The following ALPK3 variants were observed in gnomAD, a reference collection of about 807,000 sequenced individuals.
ALPK3 encodes the protein alpha-protein kinase 3.
ALPK3 carries 102 observed loss-of-function variants against 140.0 expected under a neutral mutation model. The observed-to-expected ratio is 0.73, with a 90% CI of 0.62 to 0.86. The LOEUF (loss-of-function observed/expected upper bound fraction) is 0.86, where lower values mean the gene tolerates loss of function less well. ALPK3 is among the 40% of genes least tolerant of loss of function. ALPK3 has a pLI of 0.00. For synonymous variants in ALPK3, 938 were observed against 898.5 expected, an observed-to-expected ratio of 1.04 and a Z score of -0.79; for missense variants, 2,254 against 2,208.2, an observed-to-expected ratio of 1.02 and a Z score of -0.42.
intron 11 of ALPK3, 88 bp downstream of exon 11, chr15:84,863,728 C>A: frequency 7.6e-7 from 1 of 1,315,922 alleles, no homozygotes. Flanking sequence ...CTCCCAGGGG[C>A]ATCCTGCGTT....
At chr15:84,834,956 G>A (rs781272972) in intron 3 of ALPK3, among the ~76,000 whole-genome samples, 6 of 152,376 alleles carry the variant, frequency 3.9e-5, no homozygotes, top group Non-Finnish European at 7.3e-5. Flanking sequence ...TTGTGGCTAT[G>A]AAGCCCTAAG....
chr15:84,840,853 C>T lies in ALPK3; in HGVS notation c.1574C>T (p.Pro525Leu), dbSNP rs767048211. The T allele has an allele frequency of 1.7e-5, 27 of 1,613,962 alleles. No individual in the cohort carries two copies. Among genetic ancestry groups the T allele is most frequent in the Non-Finnish European group, 1.9e-5 (22 of 1,179,998 alleles). ...CCACCTCAGGCCTCTGTGCAGGTGC[C>T]GACGCCCCCTGCCCGGCGGAGACAT... The part of the protein sequence containing the change: ...KAPPQASVQV[P>L]TPPARRRHGT... Residue 525 changes from proline (P) to leucine (L), a missense_variant, in exon 5 of 14, where the codon CCG (proline) becomes CTG (leucine). By Grantham distance (98) the Pro-to-Leu change is moderately conservative (BLOSUM62 -3). Transcript: ENST00000258888.
chr15:84,868,352 C>T lies in ALPK3; in HGVS notation c.5014C>T (p.Pro1672Ser). 6.2e-7 allele frequency: 1 copy of T among 1,614,098 alleles called. No individual in the cohort carries two copies. Among genetic ancestry groups the T allele is most frequent in the Non-Finnish European group, 8.5e-7 (1 of 1,180,012 alleles). The change falls in exon 14 of 14, where the codon CCA becomes TCA. Residue 1672 changes from proline to serine, a missense_variant. Around this residue, in one of 3 missense-constraint regions of ALPK3, gnomAD observed 158 missense variants for 159.8 expected, o/e 0.99. Coordinates refer to ENST00000258888, the MANE Select transcript of ALPK3 (RefSeq NM_020778.5). ...TCCTCAGGGCACCCGGAAGAGTGCTCCAAGTTCCAAGGCCACCCCTCAGGC... is the reference window on the plus strand; with the variant it reads ...TCCTCAGGGCACCCGGAAGAGTGCTTCAAGTTCCAAGGCCACCCCTCAGGC... ...PSPQGTRKSAPSSKATPQASE... is the reference protein window; with the variant it reads ...PSPQGTRKSASSSKATPQASE...
chr15:84,840,647 C>T lies in ALPK3; in HGVS notation c.1368C>T (p.Ser456=). The change falls in exon 5 of 14, where the codon AGC becomes AGT. Residue 456 remains serine (S), a synonymous_variant. Transcript: ENST00000258888. ...GGAAGGCACCCCTCAGGGCTAGAAG[C>T]GAGGGGGTGCCTGGCGCTCCTGGCC... ...PKGKAPLRAR[S]EGVPGAPGQP... 2 of 1,574,046 alleles carry T rather than the reference C, an allele frequency of 1.3e-6. No individual in the cohort carries two copies. The highest frequency in any genetic ancestry group is 1.4e-5 in the African/African-American group (1 of 73,762).
chr15:84,817,536 C>T lies in ALPK3; in HGVS notation c.84C>T (p.Pro28=). The T allele has an allele frequency of 6.7e-7, 1 of 1,499,554 alleles. No homozygotes were observed. The highest frequency in any genetic ancestry group is 1.5e-5 in the African/African-American group (1 of 68,922). The allele number at this position is 1,499,554 out of a possible 1,614,324, so 92.9% of individuals were successfully genotyped here. A position where few individuals can be genotyped will look rare whatever the true frequency, so the allele number is the denominator to read the frequency against. Residue 28 remains proline (P), a synonymous_variant, in exon 1 of 14, where the codon CCC becomes CCT. Coordinates refer to ENST00000258888, the MANE Select transcript of ALPK3 (RefSeq NM_020778.5). ...GGGGCGACGGTGAGGACGACGGCCC[C>T]GTGTGGATCCCCAGCCCAGCCAGCC... ...GAGGDGEDDG[P]VWIPSPASRS...
intron 10 of ALPK3, 47 bp from the exon 11 acceptor site, chr15:84,863,505 G>T (rs1458347410): frequency 1.9e-6 from 3 of 1,545,120 alleles, no homozygotes; most frequent in Admixed American, 3.4e-5. Context: ...CACAGTGGAG[G>T]ACTGAGGAAT....
intron 5 of ALPK3, among the ~76,000 whole-genome samples, chr15:84,850,879 T>TACACAC (rs4040516): frequency 0.014 from 1,986 of 142,442 alleles, 31 homozygotes; most frequent in African/African-American, 0.027. Flanking sequence ...GTTCCAGATA[T>TACACAC]ACACACACAC....
intron 13 of ALPK3, 131 bp from the exon 14 acceptor site, chr15:84,867,980 C>T: frequency 1.1e-6 from 1 of 909,934 alleles, no homozygotes; most frequent in South Asian, 1.6e-5. Context: ...AGGGAGAGTC[C>T]CCATCACCCT....
Position 84,859,891 on chromosome 15 carries a change from C to T in ALPK3, c.4081C>T (p.Leu1361Phe), listed in dbSNP as rs780101092. The stretch of plus-strand genomic sequence containing the variant: ...CGGCTCGGCCTCCACCGACTTCTGC[C>T]TCAGCCCTGAGGGTGAGTGTGCCCC... ...EHGSASTDFC[L>F]SPEVLSGFIS... is the part of the protein sequence containing the mutation. Residue 1361 changes from leucine (L) to phenylalanine (F), a missense_variant, in exon 8 of 14, where the codon CTC becomes TTC. Transcript: ENST00000258888. 2.2e-5 allele frequency: 35 copies of T among 1,614,088 alleles called. No homozygotes were observed. The African/African-American group carries it at 4.0e-4, about 18-fold the overall frequency.
chr15:84,856,330 G>A (rs1289247944), intron 5 of ALPK3, 62 bp from the exon 6 acceptor site: 4 of 1,532,184 alleles, frequency 2.6e-6, no homozygotes, highest in Non-Finnish European at 3.5e-6. Context: ...TGGGATGCCA[G>A]ACTGGAAAGA....
Position 84,868,447 on chromosome 15 carries a change from C to A in ALPK3, c.5109C>A (p.Gly1703=). The A allele has an allele frequency of 6.2e-7, 1 of 1,607,102 alleles. No homozygotes were observed. The highest frequency in any genetic ancestry group is 8.5e-7 in the Non-Finnish European group (1 of 1,179,530). Residue 1703 remains glycine (G), a synonymous_variant, in exon 14 of 14, where the codon GGC becomes GGA. Coordinates refer to ENST00000258888, the MANE Select transcript of ALPK3 (RefSeq NM_020778.5). ...PTQEEGSKAQ[G]MR Reference sequence around the variant, plus strand: ...AAGAGGAGGGCTCCAAGGCCCAGGGCATGCGGTAGCCTCCGCAGAGGCTGG... The same window carrying A: ...AAGAGGAGGGCTCCAAGGCCCAGGGAATGCGGTAGCCTCCGCAGAGGCTGG...
chr15:84,840,039 G>C lies in ALPK3; in HGVS notation c.760G>C (p.Glu254Gln). The C allele has an allele frequency of 1.9e-6, 3 of 1,614,054 alleles. No homozygotes were observed. Among genetic ancestry groups the C allele is most frequent in the Non-Finnish European group, 2.5e-6 (3 of 1,179,974 alleles). The change falls in exon 5 of 14, where the codon GAG becomes CAG. Residue 254 changes from glutamate (E) to glutamine (Q), a missense_variant. Coordinates refer to ENST00000258888, the MANE Select transcript of ALPK3 (RefSeq NM_020778.5). ...GGTLAAWQEG[E>Q]TETAQHSGLG... ...GACCCTGGCGGCTTGGCAGGAGGGA[G>C]AGACTGAGACTGCTCAGCACTCAGG...
At chr15:84,850,939 A>T (rs1452323656) in intron 5 of ALPK3, among the ~76,000 whole-genome samples, 2 of 151,274 alleles carry the variant, frequency 1.3e-5, no homozygotes, top group African/African-American at 4.9e-5. Context: ...GTTTAGTTAG[A>T]GGGGTCAGCC....
At chr15:84,820,502 A>T (rs1368901549) in intron 1 of ALPK3, among the ~76,000 whole-genome samples, 2 of 151,300 alleles carry the variant, frequency 1.3e-5, no homozygotes, top group Admixed American at 1.3e-4. Context: ...TTTTTTTGAG[A>T]TGGAGTCTTG....
In ALPK3 at chr15:84,839,053, T is replaced by C. The variant is rs150481633; in HGVS notation, c.378T>C (p.Tyr126=). The C allele has an allele frequency of 1.2e-6, 2 of 1,612,190 alleles. No individual in the cohort carries two copies. Among genetic ancestry groups the C allele is most frequent in the African/African-American group, 2.7e-5 (2 of 74,926 alleles). The change falls in exon 4 of 14, where the codon TAT becomes TAC. Residue 126 remains tyrosine (Y), a synonymous_variant. Coordinates refer to ENST00000258888, the MANE Select transcript of ALPK3 (RefSeq NM_020778.5). ...ELDRYCGLPK[Y]EITHQGNRHT... is the part of the protein sequence containing the mutation. ...ACCGCTACTGTGGCTTGCCAAAATA[T>C]GAGATCACTCATCAGGGCAACCGCC...
intron 3 of ALPK3, among the ~76,000 whole-genome samples, chr15:84,829,421 T>A (rs1351936084): frequency 1.3e-5 from 2 of 152,240 alleles, no homozygotes; most frequent in Non-Finnish European, 2.9e-5. Context: ...GGAAAAAGAA[T>A]ACTGTAAAAG....
chr15:84,839,882 G>A lies in ALPK3; in HGVS notation c.603G>A (p.Lys201=). 1 of 1,614,016 alleles carries A rather than the reference G, an allele frequency of 6.2e-7. No homozygotes were observed. The highest frequency in any genetic ancestry group is 1.1e-5 in the South Asian group (1 of 91,084). The change falls in exon 5 of 14, where the codon AAG becomes AAA. Residue 201 remains lysine (K), a synonymous_variant. Coordinates refer to ENST00000258888, the MANE Select transcript of ALPK3 (RefSeq NM_020778.5). ...AKLREIEQSW[K]HEKAVPGEVD... is the part of the protein sequence containing the mutation. ...TGCGCGAGATCGAGCAGAGCTGGAA[G>A]CACGAGAAGGCGGTGCCTGGGGAGG...
intron 5 of ALPK3, among the ~76,000 whole-genome samples, chr15:84,851,057 G>T (rs1456062055): frequency 6.6e-6 from 1 of 152,166 alleles, no homozygotes; most frequent in Non-Finnish European, 1.5e-5. Flanking sequence ...TCACAGATTA[G>T]CAGATGACAT....
chr15:84,867,803 G>A (rs1321693606), intron 13 of ALPK3, among the ~76,000 whole-genome samples: 1 of 152,214 alleles, frequency 6.6e-6, no homozygotes, highest in African/African-American at 2.4e-5. Context: ...CCTTGGGCCA[G>A]GCATGGTGGC....
Sources: gnomAD v4.1 joint callset for allele counts (sites outside exome capture counted in the v4.1 genomes callset) on GRCh38, gnomAD v4.1.1 for gene constraint, gnomAD v4.1.1 regional missense constraint, MANE v1.5 for transcripts, NCBI Gene and HGNC (gene_info 2026-07-23, HGNC 2026-07-21) for gene names.